The following ANO6 variants were observed in gnomAD, a reference collection of about 807,000 sequenced individuals.
ANO6 encodes anoctamin-6.
In ANO6, 106 loss-of-function variants were observed where a neutral mutation model predicts 117.5. The ratio of observed to expected loss-of-function variants is 0.90; its 90% CI spans 0.77 to 1.06. The LOEUF (loss-of-function observed/expected upper bound fraction) is 1.06, where lower values mean the gene tolerates loss of function less well. ANO6 is among the 50% of genes least tolerant of loss of function. The pLI, the probability that ANO6 is intolerant of heterozygous loss-of-function variation, is 0.00. For missense variants in ANO6, 955 were observed against 1,121.1 expected (o/e 0.85, Z 2.12); for synonymous variants, 367 against 385.1 (o/e 0.95, Z 0.55).
chr12:45,225,395 G>A lies in ANO6; in HGVS notation c.70+9004G>A, dbSNP rs552843964. Reference sequence around the variant, plus strand: ...AAAAACACTCGTCTTGAAGCGGGGAGAAGATTTCTTATTCATCTTTGTATC... The same window carrying A: ...AAAAACACTCGTCTTGAAGCGGGGAAAAGATTTCTTATTCATCTTTGTATC... On this transcript the variant is annotated intron_variant, in intron 1 of 19. Transcript: ENST00000320560. Among the ~76,000 whole-genome samples, 19 of 152,204 alleles carry A rather than the reference G, an allele frequency of 1.2e-4. No homozygotes were observed. The East Asian group carries it at 3.3e-3, about 26-fold the overall frequency.
At chr12:45,316,696 A>G (rs917174784) in intron 2 of ANO6, among the ~76,000 whole-genome samples, 1 of 152,008 alleles carries the variant, frequency 6.6e-6, no homozygotes, top group Non-Finnish European at 1.5e-5. Flanking sequence ...GTTATAGATT[A>G]AAAGTAAGTA....
intron 8 of ANO6, 99 bp downstream of exon 8, chr12:45,357,523 C>A: frequency 7.1e-7 from 1 of 1,405,390 alleles, no homozygotes; most frequent in Non-Finnish European, 1.0e-6. Context: ...AGACTGACTG[C>A]AGAACATTCA....
At chr12:45,224,812 C>G (rs1947456748) in intron 1 of ANO6, among the ~76,000 whole-genome samples, 2 of 152,030 alleles carry the variant, frequency 1.3e-5, no homozygotes, top group African/African-American at 4.8e-5. Context: ...AAATTTAGAC[C>G]AAATGCTCCT....
At chr12:45,403,397 T>G (rs377128870) in intron 14 of ANO6, 42 bp from the exon 15 acceptor site, 9 of 1,552,360 alleles carry the variant, frequency 5.8e-6, no homozygotes, top group African/African-American at 5.4e-5. Flanking sequence ...TCAAGTTAGA[T>G]CCATTGAATA....
At chr12:45,304,758 A>G (rs1277720506) in intron 2 of ANO6, among the ~76,000 whole-genome samples, 2 of 152,200 alleles carry the variant, frequency 1.3e-5, no homozygotes, top group Admixed American at 1.3e-4. Context: ...ACCTAAGAGA[A>G]CATTGCCAGT....
At chr12:45,342,916 C>G (rs1941021428) in intron 3 of ANO6, among the ~76,000 whole-genome samples, 1 of 151,940 alleles carries the variant, frequency 6.6e-6, no homozygotes, top group African/African-American at 2.4e-5. Context: ...CAAGTAAGCT[C>G]AAGAAGAGAG....
chr12:45,399,945 G>A (rs1336722648), intron 12 of ANO6, among the ~76,000 whole-genome samples: 1 of 152,146 alleles, frequency 6.6e-6, no homozygotes, highest in South Asian at 2.1e-4. Flanking sequence ...AAATATTGAA[G>A]TATGGGAAGC....
chr12:45,284,937 ATGTCATTTC>A (rs1444571534), intron 1 of ANO6, among the ~76,000 whole-genome samples: 5 of 152,204 alleles, frequency 3.3e-5, no homozygotes, highest in African/African-American at 1.2e-4. Context: ...TCTGAGTTAT[ATGTCATTTC>A]TGTTATTTCT....
intron 12 of ANO6, among the ~76,000 whole-genome samples, chr12:45,398,577 A>G (rs1942693628): frequency 3.9e-5 from 6 of 152,208 alleles, no homozygotes; most frequent in Admixed American, 3.9e-4. Flanking sequence ...ATTTTTTCAC[A>G]TACTTATCAC....
intron 1 of ANO6, among the ~76,000 whole-genome samples, chr12:45,289,135 G>A (rs987249707): frequency 1.3e-5 from 2 of 150,782 alleles, no homozygotes; most frequent in South Asian, 4.2e-4. Context: ...TAAGATCAAA[G>A]GGTATGAATT....
chr12:45,361,075 T>C (rs1441617641), intron 8 of ANO6, among the ~76,000 whole-genome samples: 1 of 152,210 alleles, frequency 6.6e-6, no homozygotes, highest in Non-Finnish European at 1.5e-5. Flanking sequence ...TAGGATCAGC[T>C]TATCTATTTC....
At chr12:45,236,248 T>A (rs1947643525) in intron 1 of ANO6, among the ~76,000 whole-genome samples, 1 of 152,162 alleles carries the variant, frequency 6.6e-6, no homozygotes, top group Non-Finnish European at 1.5e-5. Context: ...ATTATTATTA[T>A]TTTTTTAAGT....
chr12:45,362,644 A>G (rs1254627098), intron 8 of ANO6, among the ~76,000 whole-genome samples: 1 of 151,940 alleles, frequency 6.6e-6, no homozygotes, highest in Non-Finnish European at 1.5e-5. Context: ...TTTGTGTGTT[A>G]AATAGATATT....
chr12:45,301,260 T>C (rs1249756652), intron 1 of ANO6, among the ~76,000 whole-genome samples: 3 of 151,782 alleles, frequency 2.0e-5, no homozygotes, highest in Admixed American at 2.0e-4. Flanking sequence ...AAAACGTCTC[T>C]ACTAGTAAAT....
chr12:45,353,077 A>G (rs1362408745), intron 7 of ANO6, among the ~76,000 whole-genome samples: 1 of 152,154 alleles, frequency 6.6e-6, no homozygotes, highest in Admixed American at 6.5e-5. Context: ...AATCTGATTG[A>G]GGTTAGATTT....
intron 7 of ANO6, among the ~76,000 whole-genome samples, chr12:45,352,373 C>T (rs57902495): frequency 0.019 from 2,819 of 151,992 alleles, 81 homozygotes; most frequent in African/African-American, 0.064. Flanking sequence ...AATGTCACGT[C>T]GTTTCATTAG....
intron 4 of ANO6, 81 bp from the exon 5 acceptor site, chr12:45,347,944 CCAA>C: frequency 1.5e-6 from 2 of 1,362,058 alleles, no homozygotes; most frequent in Non-Finnish European, 2.1e-6. Flanking sequence ...TTTAAAGCTA[CCAA>C]CAACATAAGA....
intron 15 of ANO6, among the ~76,000 whole-genome samples, chr12:45,405,471 CT>C (rs1164308952): frequency 3.3e-5 from 5 of 152,320 alleles, no homozygotes; most frequent in African/African-American, 1.2e-4. Context: ...GTGATATGAA[CT>C]TTGCCTTCAA....
At chr12:45,347,879 G>C in intron 4 of ANO6, 149 bp from the exon 5 acceptor site, 1 of 755,000 alleles carries the variant, frequency 1.3e-6, no homozygotes, top group East Asian at 2.7e-5. Context: ...ATGATGGTTT[G>C]CAAATCTGTT....
Sources: gnomAD v4.1 joint callset for allele counts (sites outside exome capture counted in the v4.1 genomes callset) on GRCh38, gnomAD v4.1.1 for gene constraint, MANE v1.5 for transcripts, NCBI Gene and HGNC (gene_info 2026-07-23, HGNC 2026-07-21) for gene names.